Variants in ATP13A5 observed in about 807,000 individuals in gnomAD.
ATP13A5 encodes the protein ATPase 13A5.
In ATP13A5, 149 loss-of-function variants were observed where a neutral mutation model predicts 150.2. That is an observed-to-expected ratio of 0.99 (90% CI 0.87 to 1.14). The LOEUF (loss-of-function observed/expected upper bound fraction) is 1.14. ATP13A5 is among the 50% of genes most tolerant of loss of function. ATP13A5 has a pLI of 0.00. For synonymous variants in ATP13A5, 497 were observed against 522.2 expected (o/e 0.95, Z 0.66); for missense variants, 1,383 against 1,449.3 (o/e 0.95, Z 0.74).
At chr3:193,329,044 A>G (rs1033865798) in intron 12 of ATP13A5, among the ~76,000 whole-genome samples, 11 of 152,074 alleles carry the variant, frequency 7.2e-5, no homozygotes, top group African/African-American at 2.7e-4. Context: ...CAAGCGATCA[A>G]GACCATCCTG....
intron 8 of ATP13A5, 27 bp from the exon 9 acceptor site, chr3:193,344,082 T>C (rs201201515): frequency 1.4e-5 from 22 of 1,605,520 alleles, no homozygotes; most frequent in Middle Eastern, 1.7e-4. Flanking sequence ...TTTCCATGAA[T>C]AGCTGACCTT....
At chr3:193,283,071 GACATAC>G (rs897380308) in intron 27 of ATP13A5, among the ~76,000 whole-genome samples, 10 of 152,116 alleles carry the variant, frequency 6.6e-5, no homozygotes, top group South Asian at 2.1e-4. Context: ...AAACTATATA[GACATAC>G]ACATACAAAC....
At chr3:193,314,392 C>A (rs566458023) in intron 18 of ATP13A5, 199 bp from the exon 19 acceptor site, 1 of 560,438 alleles carries the variant, frequency 1.8e-6, no homozygotes, top group South Asian at 2.5e-5. Context: ...TATTCTGCAT[C>A]ATATCCTGGT....
At chr3:193,371,107 A>T (rs911862039) in intron 1 of ATP13A5, among the ~76,000 whole-genome samples, 4 of 152,196 alleles carry the variant, frequency 2.6e-5, no homozygotes, top group Admixed American at 2.6e-4. Flanking sequence ...AGATGATGAG[A>T]TGCCTGGCCC....
chr3:193,333,552 T>C (rs1441312640), intron 11 of ATP13A5, among the ~76,000 whole-genome samples, 198 bp downstream of exon 11: 1 of 152,226 alleles, frequency 6.6e-6, no homozygotes, highest in Non-Finnish European at 1.5e-5. Context: ...AACCCACTGA[T>C]TGCATAGTGT....
At chr3:193,333,496 A>T (rs1711721266) in intron 11 of ATP13A5, among the ~76,000 whole-genome samples, 1 of 152,184 alleles carries the variant, frequency 6.6e-6, no homozygotes, top group Non-Finnish European at 1.5e-5. Flanking sequence ...AGCTCTGTAA[A>T]AGTGGAAATT....
At chr3:193,279,214 C>A (rs1380125766) in intron 28 of ATP13A5, 152 bp downstream of exon 28, 11 of 591,382 alleles carry the variant, frequency 1.9e-5, no homozygotes, top group Non-Finnish European at 3.0e-5. Context: ...TAGGTGAAAT[C>A]CAGATATCTT....
At chr3:193,352,922 G>A (rs997891764) in intron 6 of ATP13A5, among the ~76,000 whole-genome samples, 1 of 151,920 alleles carries the variant, frequency 6.6e-6, no homozygotes, top group African/African-American at 2.4e-5. Flanking sequence ...TCCAGACAAG[G>A]ACTAGACAGC....
Position 193,314,144 on chromosome 3 carries a change from G to A in ATP13A5, c.2208C>T (p.Ile736=), listed in dbSNP as rs1432569036. The A allele has an allele frequency of 1.9e-6, 3 of 1,613,776 alleles. No homozygotes were observed. The highest frequency in any genetic ancestry group is 3.3e-5 in the Admixed American group (2 of 59,990). ...CAATGATCACTTGGCTGCCTGGAGG[G>A]ATCATTTCAGAATTCTTTGCAACAG... ...AITVAKNSEM[I]PPGSQVIIVE... The change falls in exon 19 of 30, where the codon ATC becomes ATT. Residue 736 remains isoleucine (I), a synonymous_variant. Transcript: ENST00000342358.
chr3:193,375,248 T>C (rs1199345730), intron 1 of ATP13A5, among the ~76,000 whole-genome samples: 1 of 152,210 alleles, frequency 6.6e-6, no homozygotes, highest in African/African-American at 2.4e-5. Flanking sequence ...CCTCATTTAA[T>C]CCTCACCACA....
Position 193,324,848 on chromosome 3 carries a change from TA to T in ATP13A5, c.1674+15del. The T allele has an allele frequency of 2.5e-6, 4 of 1,606,862 alleles. No individual in the cohort carries two copies. The South Asian group carries it at 4.5e-5, about 18-fold the overall frequency. ...TTTCCTCAGATTCTCATCTTTCCATTAAACTATCACCTTACCCAGGCAGTGC... is the reference window on the plus strand; with the variant it reads ...TTTCCTCAGATTCTCATCTTTCCATTAACTATCACCTTACCCAGGCAGTGC... On this transcript the variant is annotated intron_variant, in intron 14 of 29. Coordinates refer to ENST00000342358, the MANE Select transcript of ATP13A5 (RefSeq NM_198505.4).
intron 23 of ATP13A5, among the ~76,000 whole-genome samples, chr3:193,303,376 GTTTGGACA>G (rs1718479315): frequency 1.3e-5 from 2 of 152,054 alleles, no homozygotes; most frequent in Non-Finnish European, 2.9e-5. Context: ...TTGCTGTCTT[GTTTGGACA>G]TTAATTTATT....
At chr3:193,354,748 A>T (rs1712711930) in intron 5 of ATP13A5, among the ~76,000 whole-genome samples, 1 of 152,136 alleles carries the variant, frequency 6.6e-6, no homozygotes, top group Admixed American at 6.6e-5. Context: ...GGTGTAATAC[A>T]TATGTGCATT....
rs529348724 is a variant in ATP13A5, at chr3:193,336,449, C to T, written c.944-1350G>A. On this transcript the variant is annotated intron_variant, in intron 9 of 29. Transcript: ENST00000342358. ...TCCCCTTCCTGTGTCCAAGTGTTCT[C>T]ACTGTTCAATTCCCACCTATGAGTG... Among the ~76,000 whole-genome samples the T allele has an allele frequency of 2.3e-3, 344 of 152,244 alleles. 4 individuals are homozygous for T. The highest frequency in any genetic ancestry group is 7.7e-3 in the African/African-American group (319 of 41,536).
intron 5 of ATP13A5, among the ~76,000 whole-genome samples, chr3:193,358,454 A>G (rs1354274763): frequency 6.6e-6 from 1 of 152,236 alleles, no homozygotes; most frequent in Non-Finnish European, 1.5e-5. Context: ...CCCTTCCATT[A>G]AAAACAATAA....
chr3:193,344,090 C>T (rs1332897648), intron 8 of ATP13A5, 35 bp from the exon 9 acceptor site: 1 of 1,602,450 alleles, frequency 6.2e-7, no homozygotes, highest in East Asian at 2.2e-5. Flanking sequence ...AATAGCTGAC[C>T]TTTTCCTGTT....
At chr3:193,315,145 C>T in intron 17 of ATP13A5, 49 bp from the exon 18 acceptor site, 3 of 1,523,138 alleles carry the variant, frequency 2.0e-6, no homozygotes, top group African/African-American at 2.8e-5. Flanking sequence ...ACGTAGGCTC[C>T]ATAGTTCAAT....
intron 12 of ATP13A5, among the ~76,000 whole-genome samples, chr3:193,327,540 T>C (rs1030021487): frequency 2.6e-5 from 4 of 152,142 alleles, no homozygotes; most frequent in Non-Finnish European, 4.4e-5. Context: ...AGATTGATAA[T>C]GAAATGTTGA....
At chr3:193,334,853 C>T in intron 10 of ATP13A5, 76 bp downstream of exon 10, 3 of 1,437,368 alleles carry the variant, frequency 2.1e-6, no homozygotes, top group Non-Finnish European at 2.9e-6. Flanking sequence ...CTCCATAATC[C>T]TAAACTAAAT....
Sources: allele counts gnomAD v4.1 joint callset (sites outside exome capture counted in the v4.1 genomes callset), GRCh38; gene constraint gnomAD v4.1.1; transcripts MANE v1.5; gene names NCBI Gene and HGNC (gene_info 2026-07-23, HGNC 2026-07-21).